The following PTPRD variants were observed in gnomAD, a reference collection of about 807,000 sequenced individuals.
PTPRD encodes protein tyrosine phosphatase receptor type D.
PTPRD carries 34 observed loss-of-function variants against 214.5 expected under a neutral mutation model. The ratio of observed to expected loss-of-function variants is 0.16; its 90% CI spans 0.12 to 0.21. The LOEUF (loss-of-function observed/expected upper bound fraction) is 0.21. Among genes scored for constraint, PTPRD ranks in the 10% least tolerant of loss-of-function variants. The pLI, the probability that PTPRD is intolerant of heterozygous loss-of-function variation, is 1.00. For missense variants in PTPRD, 2,545 were observed against 2,398.7 expected (o/e 1.06, Z -1.27); for synonymous variants, 1,128 against 845.7 (o/e 1.33, Z -5.79).
intron 44 of PTPRD, among the ~76,000 whole-genome samples, chr9:8,328,070 G>C (rs894179545): frequency 2.6e-5 from 4 of 152,148 alleles, no homozygotes; most frequent in Non-Finnish European, 4.4e-5. Flanking sequence ...TATGATGTTT[G>C]CTGGTTATTT....
At chr9:9,518,039 A>C (rs992019709) in intron 8 of PTPRD, among the ~76,000 whole-genome samples, 1 of 152,008 alleles carries the variant, frequency 6.6e-6, no homozygotes, top group African/African-American at 2.4e-5. Context: ...TTACTTTCTA[A>C]TTTTTGATAA....
At chr9:9,894,188 C>T (rs887273487) in intron 5 of PTPRD, among the ~76,000 whole-genome samples, 2 of 152,094 alleles carry the variant, frequency 1.3e-5, no homozygotes, top group African/African-American at 2.4e-5. Flanking sequence ...CTCCCCTAAA[C>T]TCCTTCAACA....
intron 11 of PTPRD, among the ~76,000 whole-genome samples, chr9:8,920,616 G>C (rs2098820862): frequency 6.6e-6 from 1 of 152,098 alleles, no homozygotes; most frequent in African/African-American, 2.4e-5. Flanking sequence ...ATCTCATAAT[G>C]TTTTAAGAAA....
chr9:10,606,706 G>A (rs879933983), intron 2 of PTPRD, among the ~76,000 whole-genome samples: 2 of 151,710 alleles, frequency 1.3e-5, no homozygotes, highest in Non-Finnish European at 2.9e-5. Context: ...CCTATGATAC[G>A]TATGTCATGT....
intron 9 of PTPRD, among the ~76,000 whole-genome samples, chr9:9,270,046 T>C (rs1346746658): frequency 6.6e-6 from 1 of 150,784 alleles, no homozygotes; most frequent in Non-Finnish European, 1.5e-5. Flanking sequence ...ATGTGTTATA[T>C]ACTGGAAATT....
intron 8 of PTPRD, among the ~76,000 whole-genome samples, chr9:9,470,754 G>T (rs2094530096): frequency 6.6e-6 from 1 of 152,172 alleles, no homozygotes; most frequent in Non-Finnish European, 1.5e-5. Flanking sequence ...GGAAATCAGT[G>T]TAACAAGAGC....
intron 3 of PTPRD, among the ~76,000 whole-genome samples, chr9:10,244,497 G>C (rs1156883788): frequency 6.6e-6 from 1 of 152,104 alleles, no homozygotes. Context: ...CAGGTAGAGA[G>C]ATCTGAGTTT....
intron 17 of PTPRD, among the ~76,000 whole-genome samples, chr9:8,525,399 T>C (rs2073836338): frequency 1.3e-5 from 2 of 152,122 alleles, no homozygotes. Context: ...TTTGTTTTGT[T>C]TCATTTGGGT....
chr9:9,653,348 C>CAAAAAAAA lies in PTPRD; in HGVS notation c.-286-78575_-286-78568dup, dbSNP rs1175875551. Among the ~76,000 whole-genome samples, 39 of 32,506 alleles carry CAAAAAAAA rather than the reference C, an allele frequency of 1.2e-3. 9 individuals carry two copies. The highest frequency in any genetic ancestry group is 1.7e-3 in the Admixed American group (3 of 1,716). 21.3% of individuals were successfully genotyped at this position (32,506 alleles called of 152,430 possible). On this transcript the variant is annotated intron_variant, in intron 7 of 45. Coordinates refer to ENST00000381196, the MANE Select transcript of PTPRD (RefSeq NM_002839.4). ...TGGGCGACAGAGCGAGACTCCGTCTCAAAAAAAAAAAAAAAAAAAAAAAAA... is the reference window on the plus strand; with the variant it reads ...TGGGCGACAGAGCGAGACTCCGTCTCAAAAAAAAAAAAAAAAAAAAAAAAAAAAAAAAA...
At chr9:10,028,676 T>G (rs766633903) in intron 4 of PTPRD, among the ~76,000 whole-genome samples, 5 of 152,104 alleles carry the variant, frequency 3.3e-5, no homozygotes, top group African/African-American at 7.2e-5. Flanking sequence ...ACTTTGAACT[T>G]GAGGGGGATG....
At chr9:9,280,859 C>T (rs944593198) in intron 9 of PTPRD, among the ~76,000 whole-genome samples, 6 of 151,042 alleles carry the variant, frequency 4.0e-5, no homozygotes, top group East Asian at 2.0e-4. Context: ...CTGACATATC[C>T]GACTTCGAGA....
intron 3 of PTPRD, among the ~76,000 whole-genome samples, chr9:10,181,424 G>T (rs1332167083): frequency 1.3e-5 from 2 of 152,040 alleles, no homozygotes; most frequent in South Asian, 4.1e-4. Flanking sequence ...TGACATTGTG[G>T]ATATCTGTTT....
At position 8,533,489 on chromosome 9, in the gene PTPRD, C is replaced by A. The variant is rs573494570; in HGVS notation, c.353-4710G>T. On this transcript the variant is annotated intron_variant, in intron 14 of 45. Transcript: ENST00000381196. ...GTATTTAAAAATTTGGCAAGTATAC[C>A]TGAACACTTAGATATTATTGACAAT... 4.6e-5 allele frequency among the ~76,000 whole-genome samples: 7 copies of A among 152,102 alleles called. No homozygotes were observed. The South Asian group carries it at 1.5e-3, about 32-fold the overall frequency.
intron 2 of PTPRD, among the ~76,000 whole-genome samples, chr9:10,401,973 T>C (rs564798485): frequency 2.6e-5 from 4 of 151,412 alleles, no homozygotes; most frequent in African/African-American, 9.7e-5. Context: ...ATTCCAGAGA[T>C]ACAGCACTGG....
intron 3 of PTPRD, among the ~76,000 whole-genome samples, chr9:10,174,519 C>A (rs899902861): frequency 6.6e-6 from 1 of 152,076 alleles, no homozygotes; most frequent in Non-Finnish European, 1.5e-5. Context: ...ATAAATCACC[C>A]AGCTTCAGGT....
chr9:10,353,173 T>A (rs1160950307), intron 2 of PTPRD, among the ~76,000 whole-genome samples: 3 of 151,950 alleles, frequency 2.0e-5, no homozygotes, highest in Non-Finnish European at 4.4e-5. Flanking sequence ...AAATCACAAC[T>A]TTATATTTGA....
intron 43 of PTPRD, among the ~76,000 whole-genome samples, chr9:8,332,688 C>G (rs1048903068): frequency 1.3e-5 from 2 of 151,904 alleles, no homozygotes; most frequent in East Asian, 1.9e-4. Context: ...TAAGGTGTTT[C>G]TAGAAGTACA....
At chr9:10,070,629 A>T in intron 3 of PTPRD, among the ~76,000 whole-genome samples, 1 of 152,042 alleles carries the variant, frequency 6.6e-6, no homozygotes, top group East Asian at 1.9e-4. Flanking sequence ...TACTTCTTTG[A>T]TTACATTTTA....
chr9:10,417,765 C>G (rs1342551157), intron 2 of PTPRD, among the ~76,000 whole-genome samples: 1 of 151,802 alleles, frequency 6.6e-6, no homozygotes, highest in Non-Finnish European at 1.5e-5. Context: ...GGACCTAAGA[C>G]AAGGAGCTCT....
Sources: gnomAD v4.1 joint callset for allele counts (sites outside exome capture counted in the v4.1 genomes callset) on GRCh38, gnomAD v4.1.1 for gene constraint, MANE v1.5 for transcripts, NCBI Gene and HGNC (gene_info 2026-07-23, HGNC 2026-07-21) for gene names.